Variants in RNF14 observed in about 807,000 individuals in gnomAD.
RNF14 encodes E3 ubiquitin-protein ligase RNF14.
A neutral mutation model predicts 52.6 loss-of-function variants in RNF14; 26 were observed. The ratio of observed to expected loss-of-function variants is 0.49; its 90% CI spans 0.36 to 0.69. The LOEUF (loss-of-function observed/expected upper bound fraction) is 0.69, where lower values mean the gene tolerates loss of function less well. Ranked by LOEUF, RNF14 falls within the 30% of genes least tolerant of loss-of-function variation. RNF14 has a pLI of 0.00. For synonymous variants in RNF14, 194 were observed against 202.0 expected, an observed-to-expected ratio of 0.96 and a Z score of 0.34; for missense variants, 404 against 560.4, an observed-to-expected ratio of 0.72 and a Z score of 2.82.
intron 5 of RNF14, 26 bp from the exon 6 acceptor site, chr5:141,980,097 C>G: frequency 6.3e-7 from 1 of 1,589,204 alleles, no homozygotes; most frequent in Non-Finnish European, 8.6e-7. Flanking sequence ...ATCATCAAAC[C>G]TATGGTGTTT....
upstream of RNF14, among the ~76,000 whole-genome samples, chr5:141,962,328 G>A (rs562617593): frequency 1.9e-4 from 29 of 152,286 alleles, no homozygotes; most frequent in South Asian, 6.0e-3. Flanking sequence ...GGTTAACAGC[G>A]GCAGTTCTCA....
rs751313763 is a variant in RNF14, at chr5:141,978,483, C to G, written c.487C>G (p.Pro163Ala). 3 of 1,614,112 alleles carry G rather than the reference C, an allele frequency of 1.9e-6. No individual in the cohort carries two copies. In the East Asian group the frequency reaches 6.7e-5, roughly 36 times the overall value. ...GCAGAGAAGGACAGCTCAAGCTTCTCCCAACACAGAGCTAGATTTTGGAGG... is the reference window on the plus strand; with the variant it reads ...GCAGAGAAGGACAGCTCAAGCTTCTGCCAACACAGAGCTAGATTTTGGAGG... The part of the protein sequence containing the change: ...KVQRRTAQAS[P>A]NTELDFGGAA... The change falls in exon 5 of 9, where the codon CCC (proline) becomes GCC (alanine). Residue 163 changes from proline to alanine, a missense_variant. By Grantham distance (27) the Pro-to-Ala change is conservative. Coordinates refer to ENST00000394520, the MANE Select transcript of RNF14 (RefSeq NM_004290.5).
chr5:141,988,303 C>T lies in RNF14; in HGVS notation c.*513C>T, dbSNP rs1222986793. On this transcript the variant is annotated 3_prime_UTR_variant, in exon 9 of 9. Transcript: ENST00000394520. ...CTACCAACCTAAATTTCTGCCAAGT[C>T]AGTTCTCTTTGGAGGAAGCCCATTA... 3 of 152,892 alleles carry T rather than the reference C, an allele frequency of 2.0e-5. No individual in the cohort carries two copies. Among genetic ancestry groups the T allele is most frequent in the African/African-American group, 7.2e-5 (3 of 41,444 alleles). 9.5% of individuals were successfully genotyped at this position (152,892 alleles called of 1,614,324 possible). A position where few individuals can be genotyped will look rare whatever the true frequency, so the allele number is the denominator to read the frequency against.
intron 6 of RNF14, chr5:141,981,743 C>T (rs1754799274): frequency 6.6e-6 from 1 of 151,820 alleles, no homozygotes; most frequent in Non-Finnish European, 1.5e-5. Context: ...GTCTCAGCCA[C>T]TCAGGTTGCT....
intron 8 of RNF14, among the ~76,000 whole-genome samples, chr5:141,986,313 C>A (rs1458762231): frequency 6.6e-6 from 1 of 152,194 alleles, no homozygotes; most frequent in Non-Finnish European, 1.5e-5. Flanking sequence ...CAAGCCCTGC[C>A]ATGAACTATT....
chr5:141,973,711 T>C lies in RNF14; in HGVS notation c.123T>C (p.Asp41=). Residue 41 remains aspartate, a synonymous_variant, in exon 3 of 9, where the codon GAT becomes GAC. Transcript: ENST00000394520. The stretch of plus-strand genomic sequence containing the variant: ...GTGGAGAAACCAGGATCTATTTGGA[T>C]TTGCCACAGAATTTCAAGATATTTG... ...VQGGETRIYL[D]LPQNFKIFVS... is the part of the protein sequence containing the mutation. 6.2e-7 allele frequency: 1 copy of C among 1,610,048 alleles called. No homozygotes were observed.
At chr5:141,959,296 CTT>C (rs1753234452) in intron 1 of RNF14, among the ~76,000 whole-genome samples, 1 of 152,020 alleles carries the variant, frequency 6.6e-6, no homozygotes, top group Admixed American at 6.6e-5. Flanking sequence ...CCCAACTCTC[CTT>C]TTAGATGTTT....
chr5:141,984,238 C>T (rs1049189466), intron 7 of RNF14, among the ~76,000 whole-genome samples: 6 of 151,910 alleles, frequency 3.9e-5, no homozygotes, highest in Non-Finnish European at 8.8e-5. Flanking sequence ...GCTGGGATTA[C>T]AGGCGCCAGC....
upstream of RNF14, chr5:141,956,113 A>G (rs1255841220): frequency 1.2e-6 from 2 of 1,614,216 alleles, no homozygotes; most frequent in South Asian, 1.1e-5. Flanking sequence ...GGCATTCACA[A>G]GCACGGAGAG....
rs531705274 is a variant in RNF14 at position 141,974,654 on chromosome 5, C to G, written c.155-150C>G. 1.0e-5 allele frequency: 7 copies of G among 671,990 alleles called. No individual in the cohort carries two copies. The South Asian group carries it at 1.3e-4, about 12-fold the overall frequency. The allele number at this position is 671,990 out of a possible 1,614,324, so 41.6% of individuals were successfully genotyped here. ...AGATTTTTTTTTAAGGTGGTGGCTA[C>G]GAAGTTAAAATTAAGAAATAGAAAG... On this transcript the variant is annotated intron_variant, in intron 3 of 8. Transcript: ENST00000394520.
chr5:141,971,740 C>T (rs1372244647), intron 2 of RNF14, among the ~76,000 whole-genome samples: 1 of 146,536 alleles, frequency 6.8e-6, no homozygotes, highest in African/African-American at 2.6e-5. Flanking sequence ...CTCCTGGATT[C>T]TAGTGATTCT....
chr5:141,971,919 A>G (rs1239410392), intron 2 of RNF14, among the ~76,000 whole-genome samples: 1 of 152,124 alleles, frequency 6.6e-6, no homozygotes, highest in South Asian at 2.1e-4. Flanking sequence ...AAGTGCTGGG[A>G]TTAAAGACTT....
the RNF14 span, chr5:141,952,448 G>A: frequency 6.6e-6 from 1 of 152,364 alleles, no homozygotes; most frequent in East Asian, 1.9e-4. Flanking sequence ...TTGGCAAGTG[G>A]AAAGAGAATG....
the RNF14 span, chr5:141,949,731 AT>A: frequency 1.3e-6 from 1 of 794,426 alleles, no homozygotes; most frequent in Non-Finnish European, 1.9e-6. Flanking sequence ...GGATCATGTG[AT>A]TCCCGCCCTC....
chr5:141,984,712 C>A, intron 7 of RNF14, 91 bp from the exon 8 acceptor site: 1 of 1,211,434 alleles, frequency 8.3e-7, no homozygotes, highest in Non-Finnish European at 1.2e-6. Flanking sequence ...GGGAGAGGAC[C>A]AAGACAATGT....
upstream of RNF14, among the ~76,000 whole-genome samples, chr5:141,965,213 A>G (rs927829089): frequency 1.3e-5 from 2 of 152,170 alleles, no homozygotes; most frequent in African/African-American, 4.8e-5. Flanking sequence ...TGGTGGGATG[A>G]GTTCAGCAAA....
At chr5:141,975,707 A>T (rs1237150844) in intron 4 of RNF14, among the ~76,000 whole-genome samples, 1 of 152,182 alleles carries the variant, frequency 6.6e-6, no homozygotes, top group Non-Finnish European at 1.5e-5. Flanking sequence ...CAATAGACTA[A>T]TGTGTATTAA....
chr5:141,986,782 A>G (rs1400558549), intron 8 of RNF14, among the ~76,000 whole-genome samples: 1 of 152,248 alleles, frequency 6.6e-6, no homozygotes, highest in Admixed American at 6.5e-5. Context: ...TTTATGCCCT[A>G]CAAGATAGCC....
Position 141,978,456 on chromosome 5 carries a change from G to C in RNF14, c.460G>C (p.Val154Leu). The C allele has an allele frequency of 6.2e-7, 1 of 1,614,190 alleles. No individual in the cohort carries two copies. The highest frequency in any genetic ancestry group is 1.3e-5 in the African/African-American group (1 of 75,038). ...GCTCAAGATTGGTTCTCAGAAAAAA[G>C]TGCAGAGAAGGACAGCTCAAGCTTC... is the stretch of plus-strand genomic sequence containing the variant. ...FELKIGSQKK[V>L]QRRTAQASPN... Residue 154 changes from valine to leucine, a missense_variant, in exon 5 of 9, where the codon GTG becomes CTG. By Grantham distance (32) the Val-to-Leu change is conservative. Coordinates refer to ENST00000394520, the MANE Select transcript of RNF14 (RefSeq NM_004290.5).
Sources: allele counts gnomAD v4.1 joint callset (sites outside exome capture counted in the v4.1 genomes callset), GRCh38; gene constraint gnomAD v4.1.1; transcripts MANE v1.5; gene names NCBI Gene and HGNC (gene_info 2026-07-23, HGNC 2026-07-21).